STK31: variants seen among roughly 807,000 people sequenced by gnomAD.
STK31 encodes the protein serine/threonine-protein kinase 31.
STK31 carries 89 observed loss-of-function variants against 129.7 expected under a neutral mutation model. That is an observed-to-expected ratio of 0.69 (90% confidence interval 0.58 to 0.82). The LOEUF (loss-of-function observed/expected upper bound fraction) is 0.82. Ranked by LOEUF, STK31 falls within the 40% of genes least tolerant of loss-of-function variation. STK31 has a pLI of 0.00. For synonymous variants in STK31, 448 were observed against 395.3 expected, an observed-to-expected ratio of 1.13 and a Z score of -1.58; for missense variants, 1,187 against 1,176.4, an observed-to-expected ratio of 1.01 and a Z score of -0.13.
At chr7:23,716,815 T>C (rs1214869822) in intron 3 of STK31, among the ~76,000 whole-genome samples, 30 of 131,798 alleles carry the variant, frequency 2.3e-4, no homozygotes, top group East Asian at 6.4e-4. Context: ...TTTTTTTTTT[T>C]CAAGACAGGG....
chr7:23,782,265 G>T (rs1194264151), intron 16 of STK31, among the ~76,000 whole-genome samples: 2 of 151,896 alleles, frequency 1.3e-5, no homozygotes, highest in Non-Finnish European at 1.5e-5. Context: ...TTGAGCCCGG[G>T]AGTTTGAGAC....
At chr7:23,783,070 G>A (rs995236932) in intron 16 of STK31, among the ~76,000 whole-genome samples, 6 of 152,102 alleles carry the variant, frequency 3.9e-5, no homozygotes, top group Non-Finnish European at 7.4e-5. Context: ...CAGCATATTC[G>A]GAGAGACTCT....
chr7:23,757,374 A>C (rs1584394259), intron 10 of STK31, among the ~76,000 whole-genome samples: 1 of 152,256 alleles, frequency 6.6e-6, no homozygotes, highest in East Asian at 1.9e-4. Flanking sequence ...AAGGTCTCTG[A>C]GTTCCCTCAG....
intron 11 of STK31, among the ~76,000 whole-genome samples, chr7:23,763,974 A>C (rs1789648070): frequency 6.6e-6 from 1 of 152,170 alleles, no homozygotes; most frequent in Non-Finnish European, 1.5e-5. Context: ...GACTGCAGGG[A>C]GTAAGCTTGC....
intron 23 of STK31, among the ~76,000 whole-genome samples, chr7:23,829,079 T>G (rs567270878): frequency 6.6e-6 from 1 of 151,966 alleles, no homozygotes; most frequent in African/African-American, 2.4e-5. Context: ...TTTTTTTTTT[T>G]TTGTATTTTT....
intron 15 of STK31, among the ~76,000 whole-genome samples, chr7:23,775,069 A>G (rs1182189908): frequency 1.3e-5 from 2 of 151,740 alleles, no homozygotes; most frequent in African/African-American, 2.4e-5. Flanking sequence ...TTTCCCAATA[A>G]CATTTATTAA....
chr7:23,797,609 G>A (rs1174237310), intron 22 of STK31, among the ~76,000 whole-genome samples: 1 of 152,166 alleles, frequency 6.6e-6, no homozygotes, highest in East Asian at 1.9e-4. Flanking sequence ...CACAGCTAAA[G>A]CAGTGTTTAG....
At chr7:23,737,860 AGTGTGTGTGTGTGTGTGT>A (rs67303802) in intron 8 of STK31, among the ~76,000 whole-genome samples, 1 of 149,148 alleles carries the variant, frequency 6.7e-6, no homozygotes, top group Non-Finnish European at 1.5e-5. Context: ...GTGGTTGATA[AGTGTGTGTGTGTGTGTGT>A]GTGTGTGTGT....
rs763749860 is a variant in STK31, at chr7:23,710,454, C to T, written c.50+119C>T. 7 of 1,566,782 alleles carry T rather than the reference C, an allele frequency of 4.5e-6. No homozygotes were observed. In the South Asian group the frequency reaches 4.7e-5, roughly 11 times the overall value. On this transcript the variant is annotated intron_variant, in intron 1 of 23. Transcript: ENST00000355870. Reference sequence around the variant, plus strand: ...GGCCCATTTCAGGGTTTTCTGTCACCTTCTAGCCGCCCGCCACCCCAGAGG... The same window carrying T: ...GGCCCATTTCAGGGTTTTCTGTCACTTTCTAGCCGCCCGCCACCCCAGAGG...
chr7:23,809,514 G>A (rs1792950809), intron 22 of STK31, among the ~76,000 whole-genome samples: 1 of 152,028 alleles, frequency 6.6e-6, no homozygotes, highest in Non-Finnish European at 1.5e-5. Flanking sequence ...TTGGTTTCGG[G>A]ACCCCCACAT....
rs1208142444 is a variant in STK31, at chr7:23,800,934, T to C, written c.2760+9988T>C. On this transcript the variant is annotated intron_variant, in intron 22 of 23. Transcript: ENST00000355870. ...TGAATAGTGCTCTGTTGTATGTACA[T>C]ACCAAATTTGTTTGTTCACCTGTTG... Among the ~76,000 whole-genome samples the C allele has an allele frequency of 7.2e-5, 11 of 152,342 alleles. No homozygotes were observed. In the East Asian group the frequency reaches 2.1e-3, roughly 29 times the overall value.
rs181161070 is a variant in STK31, at chr7:23,723,115, T to C, written c.250-4126T>C. ...CAGTGAGATGAACCCGGTACCTCAG[T>C]TGGAAATGCAGAAATCACCCGTCTT... On this transcript the variant is annotated intron_variant, in intron 4 of 23. Coordinates refer to ENST00000355870, the MANE Select transcript of STK31 (RefSeq NM_031414.5). Among the ~76,000 whole-genome samples, 671 of 152,210 alleles carry C rather than the reference T, an allele frequency of 4.4e-3. 6 individuals are homozygous for C. Among genetic ancestry groups the C allele is most frequent in the African/African-American group, 0.016 (651 of 41,530 alleles).
chr7:23,727,208 GC>G, intron 4 of STK31, 32 bp from the exon 5 acceptor site: 1 of 1,583,380 alleles, frequency 6.3e-7, no homozygotes, highest in Non-Finnish European at 8.7e-7. Context: ...TGCTTTAAAT[GC>G]CAAGTAATTT....
chr7:23,789,499 T>C (rs1466558854), intron 21 of STK31, among the ~76,000 whole-genome samples: 1 of 152,148 alleles, frequency 6.6e-6, no homozygotes, highest in Non-Finnish European at 1.5e-5. Flanking sequence ...ACTTTGGTCA[T>C]CTGCAAGTCA....
chr7:23,788,460 G>T (rs1325276460), intron 21 of STK31, among the ~76,000 whole-genome samples: 2 of 152,086 alleles, frequency 1.3e-5, no homozygotes, highest in East Asian at 3.9e-4. Flanking sequence ...CTCTCCACTG[G>T]TGTCCCTCCG....
At chr7:23,730,878 A>ATATATATATATATATATTTTTTTTTT in intron 6 of STK31, among the ~76,000 whole-genome samples, 1 of 59,554 alleles carries the variant, frequency 1.7e-5, no homozygotes, top group African/African-American at 5.8e-5. Flanking sequence ...ATATATATAT[A>ATATATATATATATATATTTTTTTTTT]TTTTTTTTTT....
chr7:23,804,928 A>T (rs1203556073), intron 22 of STK31, among the ~76,000 whole-genome samples: 3 of 152,018 alleles, frequency 2.0e-5, no homozygotes, highest in African/African-American at 7.2e-5. Context: ...TTATTTACTC[A>T]TTCTTGGACC....
chr7:23,811,515 C>T, intron 22 of STK31: 6 of 278,478 alleles, frequency 2.2e-5, no homozygotes, highest in Non-Finnish European at 4.5e-5. Flanking sequence ...GCATTTCCAC[C>T]AATGAGCAAG....
At position 23,735,521 on chromosome 7, in the gene STK31, G is replaced by T; in HGVS notation, c.484-17G>T. The T allele has an allele frequency of 6.4e-7, 1 of 1,561,132 alleles. No individual in the cohort carries two copies. The highest frequency in any genetic ancestry group is 2.3e-5 in the East Asian group (1 of 44,342). ...AAACATGTTGGTGTAGCTGGTTTATGTTTTCTTCTTTCTTAGGGCACAACC... is the reference window on the plus strand; with the variant it reads ...AAACATGTTGGTGTAGCTGGTTTATTTTTTCTTCTTTCTTAGGGCACAACC... On this transcript the variant is annotated splice_polypyrimidine_tract_variant and intron_variant, in intron 6 of 23. Coordinates refer to ENST00000355870, the MANE Select transcript of STK31 (RefSeq NM_031414.5).
Sources: allele counts gnomAD v4.1 joint callset (sites outside exome capture counted in the v4.1 genomes callset), GRCh38; gene constraint gnomAD v4.1.1; transcripts MANE v1.5; gene names NCBI Gene and HGNC (gene_info 2026-07-23, HGNC 2026-07-21).